Variants in RFT1 observed in about 807,000 individuals in gnomAD.
The protein encoded by RFT1 is man(5)GlcNAc(2)-PP-dolichol translocation protein RFT1.
In RFT1, 43 loss-of-function variants were observed where a neutral mutation model predicts 62.2. That is an observed-to-expected ratio of 0.69 (90% CI 0.54 to 0.89). The LOEUF (loss-of-function observed/expected upper bound fraction) is 0.89, where lower values mean the gene tolerates loss of function less well. RFT1 is among the 40% of genes least tolerant of loss of function. RFT1 has a pLI of 0.00. For missense variants in RFT1, 605 were observed against 649.9 expected (o/e 0.93, Z 0.75); for synonymous variants, 262 against 264.6 (o/e 0.99, Z 0.10).
chr3:53,100,555 G>T (rs1701281081), intron 10 of RFT1, among the ~76,000 whole-genome samples: 1 of 152,102 alleles, frequency 6.6e-6, no homozygotes, highest in Admixed American at 6.5e-5. Context: ...ACAAAACGTG[G>T]GCCATCCACA....
chr3:53,123,876 G>GT (rs774330828), intron 2 of RFT1, 36 bp from the exon 3 acceptor site: 1 of 1,535,320 alleles, frequency 6.5e-7, no homozygotes, highest in Non-Finnish European at 9.0e-7. Flanking sequence ...AAGGTCTCAA[G>GT]TTTTTTCATA....
At chr3:53,120,869 C>T (rs1449539549) in intron 5 of RFT1, among the ~76,000 whole-genome samples, 1 of 152,222 alleles carries the variant, frequency 6.6e-6, no homozygotes, top group Non-Finnish European at 1.5e-5. Context: ...CCCAACCATG[C>T]CTGAGACAAA....
intron 10 of RFT1, chr3:53,103,031 C>T: frequency 1.1e-6 from 1 of 873,852 alleles, no homozygotes; most frequent in Non-Finnish European, 1.4e-6. Flanking sequence ...TCTCACAGCA[C>T]AAGCCCCAGG....
chr3:53,070,487 C>T, the RFT1 span, among the ~76,000 whole-genome samples: 30 of 143,240 alleles, frequency 2.1e-4, no homozygotes, highest in Non-Finnish European at 2.4e-4. Context: ...TCGCAACCTC[C>T]GCCTCCCGAG....
In RFT1 at chr3:53,104,386, C is replaced by CT. The variant is rs562794641; in HGVS notation, c.958-290dup. ...CTCACTTTCCCCTCTGATATTTGTT[C>CT]TTTTTTTTTTTTTTAAATAGAAATA... On this transcript the variant is annotated intron_variant, in intron 9 of 12. Coordinates refer to ENST00000296292, the MANE Select transcript of RFT1 (RefSeq NM_052859.4). Among the ~76,000 whole-genome samples, 10,666 of 142,826 alleles carry CT rather than the reference C, an allele frequency of 0.075. 455 individuals carry two copies. The highest frequency in any genetic ancestry group is 0.11 in the Middle Eastern group (30 of 278). The allele number at this position is 142,826 out of a possible 152,430, so 93.7% of individuals were successfully genotyped here. A position where few individuals can be genotyped will look rare whatever the true frequency, so the allele number is the denominator to read the frequency against.
At position 53,125,941 on chromosome 3, in the gene RFT1, C is replaced by T. The variant is rs368675325; in HGVS notation, c.117G>A (p.Leu39=). The T allele has an allele frequency of 5.6e-6, 9 of 1,613,756 alleles. No individual in the cohort carries two copies. In the African/African-American group the frequency reaches 8.0e-5, roughly 14 times the overall value. ...FVLNAFILRF[L]SKEIVGVVNV... ...TTACTACGCCAACGATTTCCTTTGA[C>T]AGGAAGCGAAGAATAAATGCATTCA... is the stretch of plus-strand genomic sequence containing the variant. The change falls in exon 2 of 13, where the codon CTG becomes CTA. Residue 39 remains leucine, a synonymous_variant. Coordinates refer to ENST00000296292, the MANE Select transcript of RFT1 (RefSeq NM_052859.4).
At chr3:53,077,029 C>G in the RFT1 span, among the ~76,000 whole-genome samples, 82 of 152,030 alleles carry the variant, frequency 5.4e-4, 2 homozygotes, top group Admixed American at 2.8e-3. Flanking sequence ...GTATTTCCAG[C>G]CTTGCAGTAT....
intron 10 of RFT1, 175 bp downstream of exon 10, chr3:53,103,778 C>A: frequency 1.3e-6 from 1 of 791,404 alleles, no homozygotes; most frequent in Non-Finnish European, 2.1e-6. Context: ...CCTGCCTATA[C>A]CTTGAGTGTG....
intron 1 of RFT1, 123 bp from the exon 2 acceptor site, chr3:53,126,117 G>A (rs1345711990): frequency 9.4e-6 from 7 of 741,252 alleles, no homozygotes; most frequent in Non-Finnish European, 1.4e-5. Context: ...GCTTTTTCAT[G>A]GAGACTCTCC....
At chr3:53,087,887 G>T (rs142399503), downstream of RFT1, among the ~76,000 whole-genome samples, 1 of 152,340 alleles carries the variant, frequency 6.6e-6, no homozygotes, top group African/African-American at 2.4e-5. Flanking sequence ...TCTTGATGGG[G>T]TTATTTTACA....
At chr3:53,128,763 G>T (rs555674470) in intron 1 of RFT1, among the ~76,000 whole-genome samples, 2 of 152,214 alleles carry the variant, frequency 1.3e-5, no homozygotes, top group Non-Finnish European at 2.9e-5. Flanking sequence ...CTCCTGCCTT[G>T]GCCTCCCAAA....
chr3:53,105,562 T>C (rs1701445266), intron 9 of RFT1, 111 bp downstream of exon 9: 2 of 1,328,020 alleles, frequency 1.5e-6, no homozygotes, highest in African/African-American at 1.5e-5. Flanking sequence ...GAATGAAATC[T>C]ATAAGAAAAT....
chr3:53,087,368 A>G (rs146206815), downstream of RFT1, among the ~76,000 whole-genome samples: 349 of 152,184 alleles, frequency 2.3e-3, 2 homozygotes, highest in African/African-American at 7.4e-3. Context: ...CCCACTGTGA[A>G]CTGAACTCCA....
At chr3:53,088,208 C>T (rs1270303298), downstream of RFT1, among the ~76,000 whole-genome samples, 2 of 152,076 alleles carry the variant, frequency 1.3e-5, no homozygotes, top group African/African-American at 2.4e-5. Flanking sequence ...AGAGAAGTCC[C>T]GCAAACAACG....
intron 1 of RFT1, 23 bp downstream of exon 1, chr3:53,130,315 G>A: frequency 6.4e-7 from 1 of 1,560,224 alleles, no homozygotes; most frequent in South Asian, 1.2e-5. Flanking sequence ...AGTACAAGCT[G>A]GAACCTGAAG....
the RFT1 span, among the ~76,000 whole-genome samples, chr3:53,081,184 G>A: frequency 1.3e-5 from 2 of 152,354 alleles, no homozygotes; most frequent in Admixed American, 1.3e-4. Context: ...AAGAAACGGT[G>A]ACCTGAGTTC....
rs376193831 is a variant in RFT1, at chr3:53,099,383, G to C, written c.1206C>G (p.Asp402Glu). ...TFAAMSKEEV[D>E]RYNFVMLALS... ...GGTGTACCTGCTAGGTTACCCACCTGTCGACCTCCTCTTTGCTCATGGCAG... is the reference window on the plus strand; with the variant it reads ...GGTGTACCTGCTAGGTTACCCACCTCTCGACCTCCTCTTTGCTCATGGCAG... The change falls in exon 11 of 13, where the codon GAC becomes GAG. Residue 402 changes from aspartate to glutamate, a missense_variant and splice_region_variant. Physicochemically the swap from Asp to Glu is conservative, Grantham distance 45. Coordinates refer to ENST00000296292, the MANE Select transcript of RFT1 (RefSeq NM_052859.4). The C allele has an allele frequency of 2.5e-6, 4 of 1,612,992 alleles. No homozygotes were observed. The African/African-American group carries it at 5.3e-5, about 22-fold the overall frequency.
rs1700994605 is a variant in RFT1, at chr3:53,091,776, C to CTGTCA, written c.*126_*127insTGACA. On this transcript the variant is annotated 3_prime_UTR_variant, in exon 13 of 13. Coordinates refer to ENST00000296292, the MANE Select transcript of RFT1 (RefSeq NM_052859.4). ...TCTCATGCAGTGGCACTCTCTGGTG[C>CTGTCA]CTCATCTCTGGGGTTGCTGTCACTC... The CTGTCA allele has an allele frequency of 5.1e-6, 5 of 972,096 alleles. No individual in the cohort carries two copies. The highest frequency in any genetic ancestry group is 6.5e-6 in the Non-Finnish European group (4 of 615,604). The allele number at this position is 972,096 out of a possible 1,614,324, so 60.2% of individuals were successfully genotyped here.
At chr3:53,099,718 G>A (rs1310752674) in intron 10 of RFT1, among the ~76,000 whole-genome samples, 3 of 152,220 alleles carry the variant, frequency 2.0e-5, no homozygotes, top group African/African-American at 4.8e-5. Context: ...TGGGCACGGT[G>A]GCTCACACCT....
Sources: gnomAD v4.1 joint callset for allele counts (sites outside exome capture counted in the v4.1 genomes callset) on GRCh38, gnomAD v4.1.1 for gene constraint, MANE v1.5 for transcripts, NCBI Gene and HGNC (gene_info 2026-07-23, HGNC 2026-07-21) for gene names.